The following UROS variants were observed in gnomAD, a reference collection of about 807,000 sequenced individuals.
UROS encodes uroporphyrinogen-III synthase.
In UROS, 18 loss-of-function variants were observed where a neutral mutation model predicts 33.0. The observed-to-expected ratio is 0.55, with a 90% CI of 0.38 to 0.81. The LOEUF is 0.81. Ranked by LOEUF, UROS falls within the 30% of genes least tolerant of loss-of-function variation. The pLI is 0.00. For synonymous variants in UROS, 114 were observed against 121.1 expected, an observed-to-expected ratio of 0.94 and a Z score of 0.38; for missense variants, 293 against 314.9, an observed-to-expected ratio of 0.93 and a Z score of 0.53.
chr10:125,811,805 CA>C (rs141063476), intron 5 of UROS, among the ~76,000 whole-genome samples: 21 of 149,110 alleles, frequency 1.4e-4, no homozygotes, highest in Admixed American at 2.7e-4. Context: ...TTAAGAAAAC[CA>C]AAAAAAAACA....
intron 6 of UROS, among the ~76,000 whole-genome samples, chr10:125,806,205 G>C (rs1447523766): frequency 1.3e-5 from 2 of 152,120 alleles, no homozygotes; most frequent in African/African-American, 4.8e-5. Context: ...GTCAAGAAAG[G>C]CCAACATCAC....
In UROS at chr10:125,803,093, G is replaced by A. The variant is rs372652899; in HGVS notation, c.394+4320C>T. ...TCTTTTAGAAGCACACAGAGCAAGG[G>A]AGACAGGAAGAGCTTTGGAGTCAGC... On this transcript the variant is annotated intron_variant, in intron 6 of 9. Transcript: ENST00000368797. 153 of 1,607,572 alleles carry A rather than the reference G, an allele frequency of 9.5e-5. No homozygotes were observed. The African/African-American group carries it at 1.8e-3, about 19-fold the overall frequency.
chr10:125,813,672 T>C (rs1853021360), intron 4 of UROS, among the ~76,000 whole-genome samples: 1 of 152,108 alleles, frequency 6.6e-6, no homozygotes, highest in African/African-American at 2.4e-5. Context: ...AGAGATGGGG[T>C]TTCACCATGT....
intron 5 of UROS, among the ~76,000 whole-genome samples, chr10:125,811,054 C>T (rs924406563): frequency 1.6e-4 from 24 of 152,208 alleles, no homozygotes; most frequent in Non-Finnish European, 3.2e-4. Context: ...CTCTCAGCCA[C>T]TCTAAGTCTC....
chr10:125,794,848 G>T, intron 9 of UROS, 32 bp downstream of exon 9: 4 of 1,531,860 alleles, frequency 2.6e-6, no homozygotes, highest in Non-Finnish European at 2.7e-6. Context: ...AAAAGAATCT[G>T]AAAAAGACCA....
At chr10:125,788,517 C>T, downstream of UROS, 3 of 1,169,778 alleles carry the variant, frequency 2.6e-6, no homozygotes, top group Middle Eastern at 3.5e-4. Flanking sequence ...CAGAGGTGGG[C>T]ATACCTGTCT....
chr10:125,817,402 C>G (rs1251773251), intron 1 of UROS, among the ~76,000 whole-genome samples: 1 of 151,058 alleles, frequency 6.6e-6, no homozygotes, highest in Non-Finnish European at 1.5e-5. Context: ...TTCCTCATTT[C>G]TGCTTGCCCT....
chr10:125,803,482 T>G (rs1228968766), intron 6 of UROS, among the ~76,000 whole-genome samples: 3 of 152,190 alleles, frequency 2.0e-5, no homozygotes, highest in African/African-American at 7.2e-5. Flanking sequence ...GATGGCTCTG[T>G]AGGTTTTAAA....
At chr10:125,794,588 C>T (rs1036990731) in intron 9 of UROS, among the ~76,000 whole-genome samples, 3 of 152,204 alleles carry the variant, frequency 2.0e-5, no homozygotes, top group Admixed American at 2.0e-4. Flanking sequence ...CAGGACTTTA[C>T]TCAAATTCCC....
chr10:125,822,098 C>T (rs906411856), intron 1 of UROS, among the ~76,000 whole-genome samples: 1 of 152,138 alleles, frequency 6.6e-6, no homozygotes, highest in Non-Finnish European at 1.5e-5. Context: ...AACCCACCCC[C>T]CTCATTTTAC....
At chr10:125,805,557 TC>T (rs1317649529) in intron 6 of UROS, among the ~76,000 whole-genome samples, 1 of 152,198 alleles carries the variant, frequency 6.6e-6, no homozygotes, top group East Asian at 1.9e-4. Context: ...TTCTGTGTGG[TC>T]CAATTTGGTG....
At chr10:125,789,072 A>C (rs371502251) in intron 9 of UROS, 67 bp from the exon 10 acceptor site, 1 of 1,590,194 alleles carries the variant, frequency 6.3e-7, no homozygotes, top group African/African-American at 1.3e-5. Context: ...AGGCAGCTGG[A>C]TGTGTGCAGG....
At chr10:125,802,464 G>C in intron 6 of UROS, 1 of 987,370 alleles carries the variant, frequency 1.0e-6, no homozygotes, top group Non-Finnish European at 1.2e-6. Flanking sequence ...TTGGCCATCA[G>C]GCCTTTTCCT....
At position 125,812,280 on chromosome 10, in the gene UROS, T is replaced by C. The variant is rs1181725449; in HGVS notation, c.253A>G (p.Arg85Gly). The C allele has an allele frequency of 1.2e-6, 2 of 1,613,758 alleles. No homozygotes were observed. The highest frequency in any genetic ancestry group is 1.7e-5 in the Admixed American group (1 of 60,020). ...GCATTCCATTTTTCTTTCAGAGACC[T>C]TTCCCAGACTGTAAAACATGAAATG... ...EQNNKTEVWE[R>G]SLKEKWNAKS... The change falls in exon 5 of 10, where the codon AGG (arginine) becomes GGG (glycine). Residue 85 changes from arginine (R) to glycine (G), a missense_variant. Physicochemically the swap from Arg to Gly is moderately radical, Grantham distance 125. Coordinates refer to ENST00000368797, the MANE Select transcript of UROS (RefSeq NM_000375.3).
Position 125,788,704 on chromosome 10 carries a change from C to T in UROS, c.*164G>A. 1 of 1,434,264 alleles carries T rather than the reference C, an allele frequency of 7.0e-7. No individual in the cohort carries two copies. The highest frequency in any genetic ancestry group is 2.8e-5 in the Admixed American group (1 of 35,428). 88.8% of individuals were successfully genotyped at this position (1,434,264 alleles called of 1,614,324 possible). A position where few individuals can be genotyped will look rare whatever the true frequency, so the allele number is the denominator to read the frequency against. ...AGTCACGTGCACGTGGGCCTGAGGC[C>T]AGCCCCAGGTCAGGTCCCGATCCCC... On this transcript the variant is annotated 3_prime_UTR_variant, in exon 10 of 10. Coordinates refer to ENST00000368797, the MANE Select transcript of UROS (RefSeq NM_000375.3).
chr10:125,792,559 GTGATTACGAATC>G (rs1198404897), intron 9 of UROS: 1 of 152,276 alleles, frequency 6.6e-6, no homozygotes, highest in African/African-American at 2.4e-5. Flanking sequence ...TGTGGTGGTG[GTGATTACGAATC>G]TGCTTACCTA....
chr10:125,800,305 C>T lies in UROS; in HGVS notation c.395-2160G>A, dbSNP rs1203308912. On this transcript the variant is annotated intron_variant, in intron 6 of 9. Coordinates refer to ENST00000368797, the MANE Select transcript of UROS (RefSeq NM_000375.3). ...AGGGGCAGAACGTCTGCCCGTTTGTCTGCCCTTTCCCAATTGATTCTTTCC... is the reference window on the plus strand; with the variant it reads ...AGGGGCAGAACGTCTGCCCGTTTGTTTGCCCTTTCCCAATTGATTCTTTCC... 5.3e-5 allele frequency among the ~76,000 whole-genome samples: 8 copies of T among 152,364 alleles called. No homozygotes were observed. In the South Asian group the frequency reaches 1.7e-3, roughly 32 times the overall value.
At chr10:125,807,552 T>A in intron 5 of UROS, 65 bp from the exon 6 acceptor site, 1 of 1,300,950 alleles carries the variant, frequency 7.7e-7, no homozygotes, top group Non-Finnish European at 1.1e-6. Flanking sequence ...TCCAGCGTTA[T>A]TTTTTAACGT....
At chr10:125,818,950 C>T (rs1181858024) in intron 1 of UROS, among the ~76,000 whole-genome samples, 1 of 152,002 alleles carries the variant, frequency 6.6e-6, no homozygotes, top group East Asian at 1.9e-4. Context: ...TAGGTCTCTC[C>T]CAAGCATACT....
Sources: gnomAD v4.1 joint callset for allele counts (sites outside exome capture counted in the v4.1 genomes callset) on GRCh38, gnomAD v4.1.1 for gene constraint, MANE v1.5 for transcripts, NCBI Gene and HGNC (gene_info 2026-07-23, HGNC 2026-07-21) for gene names.